The following GALK2 variants were observed in gnomAD, a reference collection of about 807,000 sequenced individuals.
GALK2 encodes galactokinase 2.
Under a neutral mutation model 52.4 loss-of-function variants are expected in GALK2, and 36 were observed. The observed-to-expected ratio is 0.69, with a 90% CI of 0.53 to 0.91. GALK2 has a LOEUF of 0.91. Among genes scored for constraint, GALK2 ranks in the 40% least tolerant of loss-of-function variants. GALK2 has a pLI of 0.00. For missense variants in GALK2, 579 were observed against 559.1 expected (o/e 1.04, Z -0.36); for synonymous variants, 176 against 199.1 (o/e 0.88, Z 0.98).
chr15:49,350,874 G>C (rs1018421273), intron 3 of GALK2, among the ~76,000 whole-genome samples: 1 of 152,202 alleles, frequency 6.6e-6, no homozygotes, highest in Non-Finnish European at 1.5e-5. Flanking sequence ...GTACAAAGGA[G>C]AGACTGCTGA....
chr15:49,207,578 G>GGA, intron 2 of GALK2, among the ~76,000 whole-genome samples: 1 of 152,126 alleles, frequency 6.6e-6, no homozygotes, highest in South Asian at 2.1e-4. Flanking sequence ...ATTTAAGCTA[G>GGA]GAGGGTTGTA....
intron 1 of GALK2, among the ~76,000 whole-genome samples, chr15:49,177,072 A>T (rs1307110977): frequency 6.6e-6 from 1 of 151,818 alleles, no homozygotes. Flanking sequence ...TTTAAAATTT[A>T]TGTTTGTCTA....
chr15:49,198,333 G>C (rs1346451881), intron 1 of GALK2, among the ~76,000 whole-genome samples: 1 of 152,132 alleles, frequency 6.6e-6, no homozygotes, highest in East Asian at 1.9e-4. Context: ...ATTGAACCCA[G>C]GAACTAAGAT....
At chr15:49,345,915 G>A (rs2041410644) in intron 3 of GALK2, among the ~76,000 whole-genome samples, 1 of 152,136 alleles carries the variant, frequency 6.6e-6, no homozygotes, top group Non-Finnish European at 1.5e-5. Context: ...GAGTGTGTGT[G>A]AGAGACTCAG....
chr15:49,347,227 G>A (rs969390990), intron 3 of GALK2, among the ~76,000 whole-genome samples: 1 of 152,178 alleles, frequency 6.6e-6, no homozygotes, highest in Non-Finnish European at 1.5e-5. Flanking sequence ...CTTGTATTAG[G>A]CATGGAGACA....
intron 2 of GALK2, among the ~76,000 whole-genome samples, chr15:49,201,756 C>G (rs1194086212): frequency 1.3e-5 from 2 of 152,176 alleles, no homozygotes; most frequent in African/African-American, 4.8e-5. Context: ...TGTTTACTAT[C>G]ATTTTATCAA....
intron 1 of GALK2, among the ~76,000 whole-genome samples, chr15:49,173,308 A>G (rs963436396): frequency 5.9e-5 from 9 of 152,214 alleles, no homozygotes; most frequent in Admixed American, 3.9e-4. Context: ...TTGTTTATAC[A>G]TTCAACAATT....
At chr15:49,178,897 C>T (rs1406922449) in intron 1 of GALK2, among the ~76,000 whole-genome samples, 1 of 152,138 alleles carries the variant, frequency 6.6e-6, no homozygotes, top group African/African-American at 2.4e-5. Context: ...TTATTATTTT[C>T]AAAATAGCTA....
intron 7 of GALK2, among the ~76,000 whole-genome samples, chr15:49,287,941 T>C (rs189550091): frequency 3.3e-4 from 37 of 112,382 alleles, no homozygotes; most frequent in Admixed American, 2.9e-3. Flanking sequence ...CTCATCTTGT[T>C]TCTCTGTCTC....
intron 3 of GALK2, among the ~76,000 whole-genome samples, chr15:49,217,687 T>C (rs2089493709): frequency 1.3e-5 from 2 of 152,228 alleles, no homozygotes; most frequent in South Asian, 4.1e-4. Context: ...CATATTATTA[T>C]GCTGTATTAT....
intron 5 of GALK2, among the ~76,000 whole-genome samples, chr15:49,273,058 T>C (rs760906890): frequency 2.0e-5 from 3 of 152,168 alleles, no homozygotes; most frequent in African/African-American, 4.8e-5. Flanking sequence ...TCACGTTCTC[T>C]CCACTGTACA....
intron 5 of GALK2, among the ~76,000 whole-genome samples, chr15:49,275,731 T>G (rs1415317268): frequency 6.6e-6 from 1 of 152,200 alleles, no homozygotes; most frequent in Non-Finnish European, 1.5e-5. Context: ...TTATTATTGT[T>G]TTTTTGTGGA....
At chr15:49,244,764 A>G (rs2091265685) in intron 5 of GALK2, among the ~76,000 whole-genome samples, 1 of 152,068 alleles carries the variant, frequency 6.6e-6, no homozygotes. Flanking sequence ...CCAACATAAC[A>G]CCCATAATAT....
intron 3 of GALK2, among the ~76,000 whole-genome samples, chr15:49,359,236 A>C (rs984721256): frequency 7.0e-6 from 1 of 141,974 alleles, no homozygotes; most frequent in African/African-American, 2.6e-5. Flanking sequence ...AAATTGACAA[A>C]TGGGATCTAA....
chr15:49,184,896 G>A (rs2086238357), intron 1 of GALK2, among the ~76,000 whole-genome samples: 1 of 152,098 alleles, frequency 6.6e-6, no homozygotes, highest in Admixed American at 6.5e-5. Context: ...TAGTATACAT[G>A]CCACAATTAT....
At chr15:49,360,083 C>G (rs970750319) in intron 3 of GALK2, among the ~76,000 whole-genome samples, 16 of 104,196 alleles carry the variant, frequency 1.5e-4, no homozygotes, top group African/African-American at 6.4e-4. Context: ...ACTCTGGGGA[C>G]TGTTGTGGGG....
intron 1 of GALK2, among the ~76,000 whole-genome samples, chr15:49,191,756 G>A (rs145863636): frequency 4.6e-5 from 7 of 151,980 alleles, no homozygotes; most frequent in African/African-American, 1.4e-4. Context: ...GAATATATTG[G>A]TATCCTATTT....
chr15:49,277,687 T>G (rs2032047502), intron 5 of GALK2, among the ~76,000 whole-genome samples: 1 of 149,766 alleles, frequency 6.7e-6, no homozygotes, highest in South Asian at 2.1e-4. Flanking sequence ...TCCCAGCTAC[T>G]CGGGTGGCTG....
In GALK2 at chr15:49,328,165, TGTAAAA is replaced by T; in HGVS notation, c.*7_*12del. On this transcript the variant is annotated 3_prime_UTR_variant, in exon 10 of 10. Coordinates refer to ENST00000560031, the MANE Select transcript of GALK2 (RefSeq NM_002044.4). ...TGGTTTTGCTTGAGGCCTGAAAAAA[TGTAAAA>T]AGTCTGAGAGAAACTACTTAGGGCA... 6.2e-7 allele frequency: 1 copy of T among 1,611,058 alleles called. No individual in the cohort carries two copies. The highest frequency in any genetic ancestry group is 8.5e-7 in the Non-Finnish European group (1 of 1,178,482).
Sources: gnomAD v4.1 joint callset for allele counts (sites outside exome capture counted in the v4.1 genomes callset) on GRCh38, gnomAD v4.1.1 for gene constraint, MANE v1.5 for transcripts, NCBI Gene and HGNC (gene_info 2026-07-23, HGNC 2026-07-21) for gene names.